The following SUPT3H variants were observed in gnomAD, a reference collection of about 807,000 sequenced individuals.
SUPT3H encodes SPT3 homolog, SAGA and STAGA complex component, also known as transcription initiation protein SPT3 homolog.
In SUPT3H, 44 loss-of-function variants were observed where a neutral mutation model predicts 44.3. The ratio of observed to expected loss-of-function variants is 0.99; its 90% CI spans 0.78 to 1.28. The LOEUF (loss-of-function observed/expected upper bound fraction) is 1.28. SUPT3H is among the 50% of genes most tolerant of loss of function. The pLI is 0.00. For synonymous variants in SUPT3H, 124 were observed against 125.6 expected (o/e 0.99, Z 0.09); for missense variants, 380 against 387.1 (o/e 0.98, Z 0.15).
intron 10 of SUPT3H, among the ~76,000 whole-genome samples, chr6:44,928,903 AAGAAAAG>A (rs1471028461): frequency 1.9e-4 from 11 of 56,550 alleles, no homozygotes; most frequent in Non-Finnish European, 2.7e-4. Context: ...AAAAAAAAAA[AAGAAAAG>A]AAAAGAAACA....
chr6:45,274,342 T>C (rs1057472105), intron 2 of SUPT3H, among the ~76,000 whole-genome samples: 1 of 152,200 alleles, frequency 6.6e-6, no homozygotes, highest in Non-Finnish European at 1.5e-5. Flanking sequence ...TATCTAAGAA[T>C]GCTTTGCCAA....
intron 2 of SUPT3H, among the ~76,000 whole-genome samples, chr6:45,271,667 C>T (rs1178763596): frequency 2.6e-5 from 4 of 152,040 alleles, no homozygotes; most frequent in Non-Finnish European, 5.9e-5. Flanking sequence ...GTTGGAGCCT[C>T]CACACAGAGT....
At chr6:45,344,495 G>A (rs12664261) in intron 2 of SUPT3H, among the ~76,000 whole-genome samples, 1,988 of 151,532 alleles carry the variant, frequency 0.013, 96 homozygotes, top group East Asian at 0.13. Flanking sequence ...ATCCAGTGGA[G>A]AGCCCATATA....
intron 2 of SUPT3H, among the ~76,000 whole-genome samples, chr6:45,230,686 A>ATTTTTTTTTT (rs1554294714): frequency 1.7e-5 from 2 of 116,820 alleles, no homozygotes; most frequent in South Asian, 6.2e-4. Context: ...ATATATATAT[A>ATTTTTTTTTT]TTTTTGAGAT....
Position 44,828,333 on chromosome 6 carries a change from A to ATATT in SUPT3H, c.*1479_*1482dup, listed in dbSNP as rs768544890. Among the ~76,000 whole-genome samples the ATATT allele has an allele frequency of 1.5e-4, 23 of 152,238 alleles. No individual in the cohort carries two copies. In the East Asian group the frequency reaches 3.9e-3, roughly 26 times the overall value. ...ATCAAAATCCTTTGGGAATATTTTG[A>ATATT]TATTATATATCTATCCGTGCTTTTT... On this transcript the variant is annotated 3_prime_UTR_variant, in exon 11 of 11. Coordinates refer to ENST00000371459, the MANE Select transcript of SUPT3H (RefSeq NM_003599.4).
intron 6 of SUPT3H, among the ~76,000 whole-genome samples, chr6:44,976,822 A>C (rs1344039559): frequency 6.6e-6 from 1 of 152,220 alleles, no homozygotes; most frequent in East Asian, 1.9e-4. Context: ...ACTTAGATTC[A>C]GTATAGGTAT....
intron 3 of SUPT3H, among the ~76,000 whole-genome samples, chr6:45,029,370 T>G (rs907963440): frequency 2.7e-5 from 4 of 150,466 alleles, no homozygotes; most frequent in Non-Finnish European, 4.4e-5. Flanking sequence ...TACATATTCT[T>G]TAAAATATGT....
intron 10 of SUPT3H, among the ~76,000 whole-genome samples, chr6:44,920,171 C>T (rs1288495700): frequency 2.0e-5 from 3 of 151,866 alleles, no homozygotes; most frequent in East Asian, 1.9e-4. Flanking sequence ...AGTCACTGTG[C>T]CCAACCCACA....
At chr6:45,149,715 G>C (rs1806612347) in intron 2 of SUPT3H, among the ~76,000 whole-genome samples, 3 of 152,158 alleles carry the variant, frequency 2.0e-5, no homozygotes, top group Admixed American at 1.3e-4. Context: ...TATCTGGTCA[G>C]TGCTAAGCAA....
At chr6:45,287,537 T>G (rs181214116) in intron 2 of SUPT3H, among the ~76,000 whole-genome samples, 1 of 152,206 alleles carries the variant, frequency 6.6e-6, no homozygotes, top group East Asian at 1.9e-4. Flanking sequence ...CTTATAGGAG[T>G]GACCTCATAT....
chr6:45,281,307 C>A (rs758746991), intron 2 of SUPT3H, among the ~76,000 whole-genome samples: 22 of 152,296 alleles, frequency 1.4e-4, no homozygotes, highest in African/African-American at 5.3e-4. Flanking sequence ...GCATCACCCG[C>A]GAAGCGCAAG....
chr6:45,127,771 ATCT>A (rs1399194881), intron 2 of SUPT3H, among the ~76,000 whole-genome samples: 8 of 151,748 alleles, frequency 5.3e-5, no homozygotes, highest in Admixed American at 3.3e-4. Flanking sequence ...CACTTTTTTT[ATCT>A]TCTTAAGGTA....
intron 2 of SUPT3H, among the ~76,000 whole-genome samples, chr6:45,138,135 C>A (rs1804613067): frequency 6.6e-6 from 1 of 151,766 alleles, no homozygotes; most frequent in Non-Finnish European, 1.5e-5. Flanking sequence ...TAAGAACATG[C>A]AAATCAAACA....
intron 4 of SUPT3H, among the ~76,000 whole-genome samples, chr6:45,017,326 C>T (rs1383658756): frequency 2.0e-5 from 3 of 150,076 alleles, no homozygotes; most frequent in Admixed American, 1.3e-4. Flanking sequence ...GTTTCTTTTG[C>T]TGTGCAGAAG....
intron 2 of SUPT3H, among the ~76,000 whole-genome samples, chr6:45,135,821 G>A (rs1254426437): frequency 2.0e-5 from 3 of 152,180 alleles, no homozygotes; most frequent in Admixed American, 6.5e-5. Context: ...AAGCCATCCA[G>A]TCCATGATAC....
intron 2 of SUPT3H, among the ~76,000 whole-genome samples, chr6:45,145,441 G>C (rs886810926): frequency 1.3e-5 from 2 of 152,076 alleles, no homozygotes; most frequent in Non-Finnish European, 2.9e-5. Flanking sequence ...TCAACAAATG[G>C]TGCTGGGATA....
intron 10 of SUPT3H, among the ~76,000 whole-genome samples, chr6:44,859,676 A>C (rs558194711): frequency 1.3e-5 from 2 of 152,238 alleles, no homozygotes; most frequent in African/African-American, 4.8e-5. Context: ...AAGGATTTAA[A>C]AAAGTAAAAA....
intron 2 of SUPT3H, among the ~76,000 whole-genome samples, chr6:45,274,942 T>A (rs915885023): frequency 6.6e-6 from 1 of 152,174 alleles, no homozygotes; most frequent in Admixed American, 6.5e-5. Context: ...ATTGAGTTGA[T>A]GCTTTGATTT....
At chr6:45,275,129 C>A (rs992895678) in intron 2 of SUPT3H, among the ~76,000 whole-genome samples, 1 of 152,002 alleles carries the variant, frequency 6.6e-6, no homozygotes, top group African/African-American at 2.4e-5. Context: ...GTACAGCTTT[C>A]TTTTCTTGCA....
Sources: gnomAD v4.1 joint callset for allele counts (sites outside exome capture counted in the v4.1 genomes callset) on GRCh38, gnomAD v4.1.1 for gene constraint, MANE v1.5 for transcripts, NCBI Gene and HGNC (gene_info 2026-07-23, HGNC 2026-07-21) for gene names.